The following NOX4 variants were observed in gnomAD, a reference collection of about 807,000 sequenced individuals.
The protein encoded by NOX4 is NADPH oxidase 4.
Under a neutral mutation model 87.6 loss-of-function variants are expected in NOX4, and 69 were observed. The ratio of observed to expected loss-of-function variants is 0.79; its 90% CI spans 0.65 to 0.96. The LOEUF is 0.96. Among genes scored for constraint, NOX4 ranks in the 40% least tolerant of loss-of-function variants. The pLI, the probability that NOX4 is intolerant of heterozygous loss-of-function variation, is 0.00. For missense variants in NOX4, 680 were observed against 681.5 expected (o/e 1.00, Z 0.02); for synonymous variants, 275 against 238.2 (o/e 1.15, Z -1.42).
At chr11:89,462,300 T>C (rs1945506649) in intron 2 of NOX4, among the ~76,000 whole-genome samples, 1 of 152,150 alleles carries the variant, frequency 6.6e-6, no homozygotes. Context: ...TCTCTCAAAA[T>C]TGATTTACAA....
At chr11:89,565,954 T>C in the NOX4 span, among the ~76,000 whole-genome samples, 23 of 152,294 alleles carry the variant, frequency 1.5e-4, no homozygotes, top group Non-Finnish European at 3.1e-4. Flanking sequence ...ACTGTACTTT[T>C]TATGTATTGC....
intron 3 of NOX4, 106 bp from the exon 4 acceptor site, chr11:89,449,630 G>A (rs1591286211): frequency 1.6e-5 from 12 of 771,908 alleles, no homozygotes; most frequent in East Asian, 8.1e-5. Context: ...TATGGCGGAA[G>A]CCTATTAATC....
intron 8 of NOX4, among the ~76,000 whole-genome samples, chr11:89,412,178 A>G (rs1243133527): frequency 1.3e-5 from 2 of 152,194 alleles, no homozygotes; most frequent in Admixed American, 6.5e-5. Context: ...AGCAAATATT[A>G]TTAGGGCTAA....
At chr11:89,582,912 A>G in the NOX4 span, among the ~76,000 whole-genome samples, 7 of 152,298 alleles carry the variant, frequency 4.6e-5, no homozygotes, top group South Asian at 1.0e-3. Context: ...TTCAGTTTCT[A>G]TAAGCAGCGC....
intron 11 of NOX4, among the ~76,000 whole-genome samples, chr11:89,380,656 T>C (rs575050401): frequency 6.6e-6 from 1 of 152,294 alleles, no homozygotes; most frequent in African/African-American, 2.4e-5. Flanking sequence ...ACTTATCATG[T>C]AGACTCTTAT....
the NOX4 span, among the ~76,000 whole-genome samples, chr11:89,519,277 A>C: frequency 6.6e-6 from 1 of 152,022 alleles, no homozygotes; most frequent in African/African-American, 2.4e-5. Flanking sequence ...TGTATTTTTA[A>C]ATTTTAATTT....
intron 7 of NOX4, 108 bp downstream of exon 7, chr11:89,432,676 A>G: frequency 1.3e-6 from 1 of 755,758 alleles, no homozygotes; most frequent in Non-Finnish European, 2.3e-6. Context: ...ACTTACCCAG[A>G]ATAGTCCATT....
chr11:89,433,349 A>G (rs1943911859), intron 6 of NOX4, among the ~76,000 whole-genome samples: 1 of 151,960 alleles, frequency 6.6e-6, no homozygotes, highest in African/African-American at 2.4e-5. Flanking sequence ...ATTTTTTTTA[A>G]TTCCCAAATA....
chr11:89,380,155 C>A (rs1270891945), intron 11 of NOX4, among the ~76,000 whole-genome samples: 1 of 152,074 alleles, frequency 6.6e-6, no homozygotes, highest in Non-Finnish European at 1.5e-5. Flanking sequence ...GAAATGTGTA[C>A]AGCTAGAGAG....
At chr11:89,405,589 A>G (rs1942123729) in intron 8 of NOX4, among the ~76,000 whole-genome samples, 1 of 151,878 alleles carries the variant, frequency 6.6e-6, no homozygotes, top group African/African-American at 2.4e-5. Context: ...AAATATGGAT[A>G]AGATCTAAAG....
the NOX4 span, among the ~76,000 whole-genome samples, chr11:89,575,457 G>C: frequency 6.6e-6 from 1 of 152,054 alleles, no homozygotes; most frequent in South Asian, 2.1e-4. Context: ...TGCAAAATGA[G>C]AGAAATTGAG....
intron 11 of NOX4, among the ~76,000 whole-genome samples, chr11:89,381,249 C>G (rs898551466): frequency 4.6e-5 from 7 of 152,084 alleles, no homozygotes; most frequent in African/African-American, 1.7e-4. Flanking sequence ...GTTATTCAAG[C>G]TTAAAAACAA....
intron 2 of NOX4, among the ~76,000 whole-genome samples, chr11:89,485,767 G>A (rs1014955117): frequency 6.6e-6 from 1 of 152,120 alleles, no homozygotes; most frequent in African/African-American, 2.4e-5. Flanking sequence ...GGGGAGTGGA[G>A]CAGGCTATTG....
At position 89,327,212 on chromosome 11, in the gene NOX4, G is replaced by C. The variant is rs113978946; in HGVS notation, c.1617-336C>G. Among the ~76,000 whole-genome samples the C allele has an allele frequency of 7.2e-3, 1,090 of 152,240 alleles. 12 individuals are homozygous for C. Among genetic ancestry groups the C allele is most frequent in the African/African-American group, 0.026 (1,063 of 41,560 alleles). On this transcript the variant is annotated intron_variant, in intron 17 of 17. Coordinates refer to ENST00000263317, the MANE Select transcript of NOX4 (RefSeq NM_016931.5). The stretch of plus-strand genomic sequence containing the variant: ...AGCAACCTCATTAAGAGCAGCAATT[G>C]ATAGATGTCAATTGCTAAACAGGTG...
chr11:89,360,386 C>T (rs1364754095), intron 12 of NOX4, among the ~76,000 whole-genome samples: 1 of 152,026 alleles, frequency 6.6e-6, no homozygotes, highest in African/African-American at 2.4e-5. Context: ...GTGATAAATA[C>T]GTTAATTAGC....
At chr11:89,510,964 T>C in the NOX4 span, among the ~76,000 whole-genome samples, 1 of 152,046 alleles carries the variant, frequency 6.6e-6, no homozygotes, top group Non-Finnish European at 1.5e-5. Flanking sequence ...CAATCTCTTT[T>C]CCTCCTGCTT....
At chr11:89,418,113 G>A (rs1362083319) in intron 8 of NOX4, among the ~76,000 whole-genome samples, 5 of 151,972 alleles carry the variant, frequency 3.3e-5, no homozygotes, top group Non-Finnish European at 7.4e-5. Context: ...ACCAGGTTAA[G>A]CCAAGGGCAC....
the NOX4 span, among the ~76,000 whole-genome samples, chr11:89,508,570 C>G: frequency 6.6e-6 from 1 of 151,988 alleles, no homozygotes; most frequent in Non-Finnish European, 1.5e-5. Flanking sequence ...CATGTCATAA[C>G]TTTTCATATT....
chr11:89,522,629 C>T, the NOX4 span, among the ~76,000 whole-genome samples: 2 of 151,912 alleles, frequency 1.3e-5, no homozygotes, highest in Non-Finnish European at 2.9e-5. Context: ...ACATATATCC[C>T]CTGAATCCAA....
Sources: allele counts gnomAD v4.1 joint callset (sites outside exome capture counted in the v4.1 genomes callset), GRCh38; gene constraint gnomAD v4.1.1; transcripts MANE v1.5; gene names NCBI Gene and HGNC (gene_info 2026-07-23, HGNC 2026-07-21).